The following PCDH11Y variants were observed in gnomAD, a reference collection of about 807,000 sequenced individuals.
PCDH11Y encodes the protein protocadherin 11 Y-linked.
For missense variants in PCDH11Y, 12 were observed against 224.8 expected, an observed-to-expected ratio of 0.05 and a Z score of 6.05; for synonymous variants, 9 against 83.6, an observed-to-expected ratio of 0.11 and a Z score of 4.87.
At chrY:5,533,239 G>A in intron 3 of PCDH11Y, among the ~76,000 whole-genome samples, 1 of 32,574 alleles carries the variant, frequency 3.1e-5, no homozygotes, top group Non-Finnish European at 7.5e-5. Context: ...TAGTGCTTGC[G>A]CTAGGCCTGA....
chrY:5,169,338 A>G, intron 2 of PCDH11Y, among the ~76,000 whole-genome samples: 1 of 32,415 alleles, frequency 3.1e-5, no homozygotes, highest in African/African-American at 1.2e-4. Context: ...CCCATTTTGA[A>G]ATTGCTGCAT....
chrY:5,079,165 G>A, intron 1 of PCDH11Y, among the ~76,000 whole-genome samples: 1 of 33,715 alleles, frequency 3.0e-5, no homozygotes, highest in African/African-American at 1.2e-4. Flanking sequence ...AGGTTCCCAT[G>A]GTCTTGGGCA....
intron 2 of PCDH11Y, among the ~76,000 whole-genome samples, chrY:5,199,978 T>C: frequency 3.1e-5 from 1 of 32,716 alleles, no homozygotes; most frequent in Admixed American, 2.8e-4. Context: ...CAGTTGGATA[T>C]AGGAAATTGG....
chrY:5,440,756 T>G (rs1602925846), intron 2 of PCDH11Y, among the ~76,000 whole-genome samples: 10 of 16,882 alleles, frequency 5.9e-4, no homozygotes, highest in Non-Finnish European at 1.1e-3. Context: ...TATATATATA[T>G]ATAGAGAGAG....
chrY:5,305,800 G>T, intron 2 of PCDH11Y, among the ~76,000 whole-genome samples: 1 of 32,225 alleles, frequency 3.1e-5, no homozygotes, highest in African/African-American at 1.2e-4. Flanking sequence ...AATGATATTA[G>T]TAAAATAATA....
At chrY:5,212,208 A>G in intron 2 of PCDH11Y, among the ~76,000 whole-genome samples, 2 of 32,956 alleles carry the variant, frequency 6.1e-5, no homozygotes, top group Non-Finnish European at 1.5e-4. Context: ...ATTTGCCTAT[A>G]ATAAATATTA....
rs1569350669 is a variant in PCDH11Y, at chrY:5,704,077, A to G, written c.3353-33195A>G. On this transcript the variant is annotated intron_variant, in intron 4 of 4. Transcript: ENST00000400457. ...GGTTATACAGTCCCATGGGCTGTAC[A>G]GGATGCAGGATGCTGGCATCTGCTG... is the stretch of plus-strand genomic sequence containing the variant. 1.8e-4 allele frequency among the ~76,000 whole-genome samples: 6 copies of G among 32,482 alleles called. No individual in the cohort carries two copies. In the East Asian group the frequency reaches 4.9e-3, roughly 27 times the overall value. 87.1% of individuals were successfully genotyped at this position (32,482 alleles called of 37,273 possible). A position where few individuals can be genotyped will look rare whatever the true frequency, so the allele number is the denominator to read the frequency against.
At chrY:5,386,123 T>G (rs2124675292) in intron 2 of PCDH11Y, among the ~76,000 whole-genome samples, 1 of 33,720 alleles carries the variant, frequency 3.0e-5, no homozygotes, top group Non-Finnish European at 7.4e-5. Flanking sequence ...AGCTTAGTTT[T>G]GCTGGATACA....
chrY:5,554,574 G>T, intron 3 of PCDH11Y, among the ~76,000 whole-genome samples: 1 of 33,323 alleles, frequency 3.0e-5, no homozygotes, highest in Non-Finnish European at 7.4e-5. Flanking sequence ...CAGGCCCAGG[G>T]TTCCCATGCT....
At chrY:5,086,188 T>C in intron 1 of PCDH11Y, among the ~76,000 whole-genome samples, 2 of 32,634 alleles carry the variant, frequency 6.1e-5, no homozygotes, top group Non-Finnish European at 1.5e-4. Context: ...GCTAGATTCA[T>C]TCTGCCATTA....
At chrY:5,139,917 T>TA (rs2052846459) in intron 2 of PCDH11Y, among the ~76,000 whole-genome samples, 1 of 12,244 alleles carries the variant, frequency 8.2e-5, no homozygotes, top group Non-Finnish European at 1.4e-4. Context: ...CATATGGAAT[T>TA]AAAAAAAACA....
intron 2 of PCDH11Y, among the ~76,000 whole-genome samples, chrY:5,331,030 CCAGA>C (rs2053130849): frequency 3.0e-5 from 1 of 33,021 alleles, no homozygotes; most frequent in Non-Finnish European, 7.4e-5. Flanking sequence ...TTGTGCAACT[CCAGA>C]CACTTTGTGT....
chrY:5,415,426 G>C, intron 2 of PCDH11Y, among the ~76,000 whole-genome samples: 1 of 32,984 alleles, frequency 3.0e-5, no homozygotes, highest in Non-Finnish European at 7.4e-5. Context: ...CAGTAGGCCA[G>C]GGCCACGATG....
chrY:5,126,473 C>A, intron 2 of PCDH11Y, among the ~76,000 whole-genome samples: 1 of 31,616 alleles, frequency 3.2e-5, no homozygotes, highest in African/African-American at 1.2e-4. Context: ...TTAGTGGAAG[C>A]ATCCAACTAT....
Position 5,388,748 on chromosome Y carries a change from A to G in PCDH11Y, c.3130-112309A>G. ...GGTTTTCATATTTTACAACTTCAAA[A>G]TAATACAAAGTTTTAGTCATTTTAC... is the stretch of plus-strand genomic sequence containing the variant. On this transcript the variant is annotated intron_variant, in intron 2 of 4. Coordinates refer to the PCDH11Y transcript ENST00000400457. Among the ~76,000 whole-genome samples the G allele has an allele frequency of 2.4e-4, 8 of 33,718 alleles. No homozygotes were observed. The East Asian group carries it at 6.4e-3, about 27-fold the overall frequency. 90.5% of individuals were successfully genotyped at this position (33,718 alleles called of 37,273 possible).
intron 4 of PCDH11Y, among the ~76,000 whole-genome samples, chrY:5,625,353 CATT>C (rs2053505432): frequency 4.3e-5 from 1 of 23,464 alleles, no homozygotes; most frequent in African/African-American, 1.6e-4. Context: ...CTTTTAAAAA[CATT>C]ATCCTCTTTT....
intron 3 of PCDH11Y, among the ~76,000 whole-genome samples, chrY:5,041,066 CT>C (rs2052607145): frequency 4.5e-3 from 103 of 23,024 alleles, no homozygotes; most frequent in Middle Eastern, 0.02. Context: ...CAGCAAGCAT[CT>C]TTTTTTTTTT....
rs2053272973 is a variant in PCDH11Y, at chrY:5,435,192, TTAG to T, written c.3130-65863_3130-65861del. On this transcript the variant is annotated intron_variant, in intron 2 of 4. Transcript: ENST00000400457. ...TAAAGTTGCCAGAATCAGTCTATGG[TTAG>T]TGGGCTTCTTATCAGGAGAAAGTCC... Among the ~76,000 whole-genome samples, 4 of 33,156 alleles carry T rather than the reference TTAG, an allele frequency of 1.2e-4. No homozygotes were observed. In the East Asian group the frequency reaches 2.4e-3, roughly 20 times the overall value. The allele number at this position is 33,156 out of a possible 37,273, so 89.0% of individuals were successfully genotyped here. A position where few individuals can be genotyped will look rare whatever the true frequency, so the allele number is the denominator to read the frequency against.
intron 2 of PCDH11Y, among the ~76,000 whole-genome samples, chrY:5,184,350 C>CATTA (rs2052904336): frequency 1.1e-4 from 2 of 18,079 alleles, no homozygotes; most frequent in Admixed American, 5.9e-4. Context: ...TTCATTCATT[C>CATTA]ATTCATCAAC....
Sources: gnomAD v4.1 joint callset for allele counts (sites outside exome capture counted in the v4.1 genomes callset) on GRCh38, gnomAD v4.1.1 for gene constraint, MANE v1.5 for transcripts, NCBI Gene and HGNC (gene_info 2026-07-23, HGNC 2026-07-21) for gene names.